The following KDM4B variants were observed in gnomAD, a reference collection of about 807,000 sequenced individuals.
The protein encoded by KDM4B is lysine-specific demethylase 4B.
KDM4B carries 32 observed loss-of-function variants against 125.2 expected under a neutral mutation model. The observed-to-expected ratio is 0.26, with a 90% CI of 0.19 to 0.34. KDM4B has a LOEUF of 0.34. Ranked by LOEUF, KDM4B falls within the 10% of genes least tolerant of loss-of-function variation. The pLI is 1.00. For missense variants in KDM4B, 1,190 were observed against 1,577.7 expected (o/e 0.75, Z 4.16); for synonymous variants, 721 against 677.9 (o/e 1.06, Z -0.99).
chr19:5,121,715 A>C (rs1422394522), intron 11 of KDM4B, among the ~76,000 whole-genome samples: 2 of 152,166 alleles, frequency 1.3e-5, no homozygotes, highest in African/African-American at 4.8e-5. Context: ...AGGACCTACC[A>C]GGTGTTAGGA....
rs1039195041 is a variant in KDM4B at position 5,082,827 on chromosome 19, G to A, written c.918+323G>A. Among the ~76,000 whole-genome samples the A allele has an allele frequency of 8.5e-5, 13 of 152,312 alleles. No homozygotes were observed. Among genetic ancestry groups the A allele is most frequent in the African/African-American group, 2.2e-4 (9 of 41,576 alleles). ...GCTGCTCGGGTCTAGGGGTTGGGGT[G>A]TTTCCTCCACCAGCACCATTGTCCC... On this transcript the variant is annotated intron_variant, in intron 9 of 22. Coordinates refer to ENST00000159111, the MANE Select transcript of KDM4B (RefSeq NM_015015.3). The surrounding 1 kb of genome is among the most constrained non-coding windows in gnomAD (Gnocchi z 5.4).
intron 1 of KDM4B, among the ~76,000 whole-genome samples, chr19:4,977,372 G>C (rs903200123): frequency 6.6e-6 from 1 of 152,184 alleles, no homozygotes; most frequent in Non-Finnish European, 1.5e-5. Flanking sequence ...CGCAGACCTG[G>C]CCCCGTTTGC....
At chr19:5,010,011 T>C (rs2531131) in intron 1 of KDM4B, among the ~76,000 whole-genome samples, 57,673 of 152,062 alleles carry the variant, frequency 0.38, 11,854 homozygotes, top group East Asian at 0.72. Flanking sequence ...GGATTACAGG[T>C]GTGAGCCACT....
In KDM4B at chr19:5,133,869, C is replaced by T. The variant is rs535470297; in HGVS notation, c.1907-14C>T. ...GCTCAAGTGTCTCTCTCCCTCTCCCCTCTGTTCTTCTAGAGGCATCCCCTT... is the reference window on the plus strand; with the variant it reads ...GCTCAAGTGTCTCTCTCCCTCTCCCTTCTGTTCTTCTAGAGGCATCCCCTT... On this transcript the variant is annotated splice_polypyrimidine_tract_variant and intron_variant, in intron 13 of 22. Coordinates refer to ENST00000159111, the MANE Select transcript of KDM4B (RefSeq NM_015015.3). 1.9e-6 allele frequency: 3 copies of T among 1,611,690 alleles called. No homozygotes were observed. Among genetic ancestry groups the T allele is most frequent in the Admixed American group, 1.7e-5 (1 of 59,816 alleles).
Position 5,131,220 on chromosome 19 carries a change from C to T in KDM4B, c.1460C>T (p.Pro487Leu). 1 of 1,606,576 alleles carries T rather than the reference C, an allele frequency of 6.2e-7. No homozygotes were observed. Among genetic ancestry groups the T allele is most frequent in the East Asian group, 2.2e-5 (1 of 44,606 alleles). The change falls in exon 12 of 23, where the codon CCC (proline) becomes CTC (leucine). Residue 487 changes from proline to leucine, a missense_variant. Around this residue, in one of 7 missense-constraint regions of KDM4B, gnomAD observed 428 missense variants for 405.1 expected, o/e 1.06. Transcript: ENST00000159111. ...CTGTGGCTGCCATCCCCACTGGAGC[C>T]CCCGGTGCTGGGCCCAGGCCCTGCA... is the stretch of plus-strand genomic sequence containing the variant. The part of the protein sequence containing the change: ...EALWLPSPLE[P>L]PVLGPGPAAM...
chr19:5,091,899 G>A (rs1024453843), intron 9 of KDM4B, among the ~76,000 whole-genome samples: 6 of 152,210 alleles, frequency 3.9e-5, no homozygotes, highest in African/African-American at 1.2e-4. Context: ...GGGGCTGGAC[G>A]CATCGTGTGT....
chr19:5,062,386 C>T (rs980609241), intron 6 of KDM4B, among the ~76,000 whole-genome samples: 62 of 152,352 alleles, frequency 4.1e-4, no homozygotes, highest in African/African-American at 9.6e-4. Context: ...CTGCTGCTGG[C>T]GACTACGTGA....
At chr19:4,984,391 A>C (rs960095959) in intron 1 of KDM4B, among the ~76,000 whole-genome samples, 1 of 152,174 alleles carries the variant, frequency 6.6e-6, no homozygotes, top group Non-Finnish European at 1.5e-5. Context: ...GAGCCGTGGA[A>C]GTGATCATAA....
chr19:5,062,403 C>G (rs1476034399), intron 6 of KDM4B, among the ~76,000 whole-genome samples: 1 of 152,278 alleles, frequency 6.6e-6, no homozygotes, highest in Non-Finnish European at 1.5e-5. Context: ...GTGATGAGCT[C>G]TGGCACCTGC....
At chr19:5,104,251 G>A (rs989456695) in intron 9 of KDM4B, among the ~76,000 whole-genome samples, 2 of 152,118 alleles carry the variant, frequency 1.3e-5, no homozygotes, top group Non-Finnish European at 2.9e-5. Context: ...TTCTGCTCCC[G>A]GGTCCCCTGG....
chr19:4,974,594 C>A (rs750926998), intron 1 of KDM4B, among the ~76,000 whole-genome samples: 4 of 150,642 alleles, frequency 2.7e-5, no homozygotes, highest in African/African-American at 9.8e-5. Context: ...AAAAATCAGC[C>A]GGGCATGGTG....
At chr19:5,055,740 G>A (rs1420417257) in intron 6 of KDM4B, among the ~76,000 whole-genome samples, 1 of 152,222 alleles carries the variant, frequency 6.6e-6, no homozygotes, top group African/African-American at 2.4e-5. Context: ...CCAGGCTTGT[G>A]CTTGTGTTTT....
In KDM4B at chr19:5,008,693, C is replaced by T. The variant is rs150677664; in HGVS notation, c.-108-7564C>T. 4.3e-3 allele frequency among the ~76,000 whole-genome samples: 648 copies of T among 149,976 alleles called. 4 individuals are homozygous for T. The highest frequency in any genetic ancestry group is 7.5e-3 in the Non-Finnish European group (505 of 67,718). ...GTAACCTCTGCCTTCTGGGTTCAAG[C>T]GATTCTCCTGCTTCAGTCCCCTGAT... On this transcript the variant is annotated intron_variant, in intron 1 of 22. Transcript: ENST00000159111.
At chr19:5,116,392 A>T (rs1759091126) in intron 10 of KDM4B, among the ~76,000 whole-genome samples, 1 of 152,182 alleles carries the variant, frequency 6.6e-6, no homozygotes, top group African/African-American at 2.4e-5. Context: ...ACCTAGCCAA[A>T]TTGTCAAGAA....
At chr19:5,140,061 C>T (rs1240105625) in intron 18 of KDM4B, among the ~76,000 whole-genome samples, 15 of 152,230 alleles carry the variant, frequency 9.9e-5, no homozygotes, top group Admixed American at 3.9e-4. Flanking sequence ...CCACAGTCCC[C>T]GCCATGCAGG....
intron 7 of KDM4B, among the ~76,000 whole-genome samples, chr19:5,071,950 G>A (rs1455920797): frequency 6.6e-6 from 1 of 152,182 alleles, no homozygotes; most frequent in Non-Finnish European, 1.5e-5. Flanking sequence ...TGGACAGCTT[G>A]GGGTGCGTGA....
At position 4,997,329 on chromosome 19, in the gene KDM4B, C is replaced by T. The variant is rs1162189088; in HGVS notation, c.-108-18928C>T. 6.6e-6 allele frequency among the ~76,000 whole-genome samples: 1 copy of T among 152,098 alleles called. No individual in the cohort carries two copies. Among genetic ancestry groups the T allele is most frequent in the Non-Finnish European group, 1.5e-5 (1 of 68,018 alleles). ...CCCTTTAGGGCTTCCGAGTTTGTGTCCCACTTAGAGAGGTTTCCCCCGCCC... is the reference window on the plus strand; with the variant it reads ...CCCTTTAGGGCTTCCGAGTTTGTGTTCCACTTAGAGAGGTTTCCCCCGCCC... On this transcript the variant is annotated intron_variant, in intron 1 of 22. Transcript: ENST00000159111. The surrounding 1 kb of genome is among the most constrained non-coding windows in gnomAD (Gnocchi z 4.2).
intron 5 of KDM4B, among the ~76,000 whole-genome samples, chr19:5,044,455 G>A (rs112454758): frequency 0.049 from 7,432 of 151,870 alleles, 211 homozygotes; most frequent in Non-Finnish European, 0.067. Flanking sequence ...ACCTTATCCC[G>A]CGCAGTGTTG....
chr19:5,068,922 A>C (rs2037860685), intron 6 of KDM4B, among the ~76,000 whole-genome samples: 1 of 152,244 alleles, frequency 6.6e-6, no homozygotes, highest in African/African-American at 2.4e-5. Flanking sequence ...GCAGCATTGT[A>C]GGCTGGGGAT....
Sources: gnomAD v4.1 joint callset for allele counts (sites outside exome capture counted in the v4.1 genomes callset) on GRCh38, gnomAD v4.1.1 for gene constraint, gnomAD v4.1.1 regional missense constraint, Gnocchi (gnomAD v3.1) non-coding constraint, MANE v1.5 for transcripts, NCBI Gene and HGNC (gene_info 2026-07-23, HGNC 2026-07-21) for gene names.